Variants in OTX2 observed in about 807,000 individuals in gnomAD.
OTX2 encodes the protein homeobox protein OTX2.
Under a neutral mutation model 29.0 loss-of-function variants are expected in OTX2, and 4 were observed. That is an observed-to-expected ratio of 0.14 (90% CI 0.07 to 0.32). The LOEUF is 0.32. OTX2 is among the 10% of genes least tolerant of loss of function. OTX2 has a pLI of 1.00. For synonymous variants in OTX2, 134 were observed against 141.0 expected (o/e 0.95, Z 0.35); for missense variants, 298 against 365.9 (o/e 0.81, Z 1.51).
Position 56,801,663 on chromosome 14 carries a change from T to A in OTX2, c.*72A>T. On this transcript the variant is annotated 3_prime_UTR_variant, in exon 5 of 5. Coordinates refer to ENST00000672264, the MANE Select transcript of OTX2 (RefSeq NM_021728.4). The surrounding 1 kb of genome is among the most constrained non-coding windows in gnomAD (Gnocchi z 4.2). ...CATCCCATCTAACTCTTTTAACCAA[T>A]GCCTGGCTAAAACTGGAATGTCCAG... 6.6e-7 allele frequency: 1 copy of A among 1,515,278 alleles called. No individual in the cohort carries two copies. Among genetic ancestry groups the A allele is most frequent in the Non-Finnish European group, 9.2e-7 (1 of 1,092,684 alleles). The allele number at this position is 1,515,278 out of a possible 1,614,324, so 93.9% of individuals were successfully genotyped here. A position where few individuals can be genotyped will look rare whatever the true frequency, so the allele number is the denominator to read the frequency against.
At position 56,801,567 on chromosome 14, in the gene OTX2, G is replaced by C; in HGVS notation, c.*168C>G. On this transcript the variant is annotated 3_prime_UTR_variant, in exon 5 of 5. Transcript: ENST00000672264. This position sits in a 1 kb window ranked among gnomAD's most constrained non-coding sequence, Gnocchi z 4.2. ...TTTGTCCATTTCATGTTGCTGGTTTGTAGGCCCCTCTAAGGCCCTTCGTTT... is the reference window on the plus strand; with the variant it reads ...TTTGTCCATTTCATGTTGCTGGTTTCTAGGCCCCTCTAAGGCCCTTCGTTT... The C allele has an allele frequency of 2.9e-6, 2 of 683,456 alleles. No homozygotes were observed. The highest frequency in any genetic ancestry group is 5.1e-5 in the Admixed American group (2 of 39,238). 42.3% of individuals were successfully genotyped at this position (683,456 alleles called of 1,614,324 possible).
intron 1 of OTX2, 72 bp from the exon 2 acceptor site, chr14:56,810,294 C>A (rs1274519194): frequency 6.6e-6 from 1 of 151,954 alleles, no homozygotes; most frequent in African/African-American, 2.4e-5. Context: ...CAAACACAAC[C>A]AAAAAAAATT....
At chr14:56,805,729 C>T (rs1282540491) in intron 2 of OTX2, 154 bp from the exon 3 acceptor site, 2 of 409,336 alleles carry the variant, frequency 4.9e-6, no homozygotes, top group Non-Finnish European at 8.9e-6. Flanking sequence ...CCCCCATCCC[C>T]ACCCCCACCC....
At chr14:56,808,654 C>A (rs1047861332) in intron 2 of OTX2, among the ~76,000 whole-genome samples, 15 of 152,140 alleles carry the variant, frequency 9.9e-5, no homozygotes, top group African/African-American at 3.4e-4. Flanking sequence ...ACTTTTGGTG[C>A]CTGTAAAAAG....
intron 2 of OTX2, among the ~76,000 whole-genome samples, chr14:56,806,322 G>T (rs1425196223): frequency 6.6e-6 from 1 of 152,220 alleles, no homozygotes; most frequent in Admixed American, 6.5e-5. Flanking sequence ...GGGTTTTGGA[G>T]AATCTTGATT....
chr14:56,807,496 C>T (rs1892128563), intron 2 of OTX2, among the ~76,000 whole-genome samples: 1 of 152,032 alleles, frequency 6.6e-6, no homozygotes, highest in Admixed American at 6.5e-5. Flanking sequence ...ATTAGAAATG[C>T]CTGACACATC....
At chr14:56,807,702 TTCTC>T (rs1394408676) in intron 2 of OTX2, among the ~76,000 whole-genome samples, 1 of 152,204 alleles carries the variant, frequency 6.6e-6, no homozygotes, top group African/African-American at 2.4e-5. Flanking sequence ...AACTAAGAGA[TTCTC>T]TCCACAACCG....
chr14:56,804,052 T>C lies in OTX2; in HGVS notation c.273+136A>G, dbSNP rs1891988076. The C allele has an allele frequency of 1.9e-6, 2 of 1,051,468 alleles. No individual in the cohort carries two copies. Among genetic ancestry groups the C allele is most frequent in the Non-Finnish European group, 2.9e-6 (2 of 696,630 alleles). 65.1% of individuals were successfully genotyped at this position (1,051,468 alleles called of 1,614,324 possible). A position where few individuals can be genotyped will look rare whatever the true frequency, so the allele number is the denominator to read the frequency against. On this transcript the variant is annotated intron_variant, in intron 4 of 4. Coordinates refer to ENST00000672264, the MANE Select transcript of OTX2 (RefSeq NM_021728.4). The surrounding 1 kb of genome is among the most constrained non-coding windows in gnomAD (Gnocchi z 4.1). ...CAAAAAAGGGCAGAAGGAGAATAGT[T>C]TCCTGGCCCCTTAGTGAGTGAAGGA...
intron 1 of OTX2, 56 bp downstream of exon 1, chr14:56,810,320 A>C (rs1348904261): frequency 6.6e-6 from 1 of 152,214 alleles, no homozygotes; most frequent in Non-Finnish European, 1.5e-5. Flanking sequence ...TAAAGAACGA[A>C]AATGAGGAAG....
chr14:56,805,227 G>A, intron 3 of OTX2, 133 bp downstream of exon 3: 1 of 680,742 alleles, frequency 1.5e-6, no homozygotes, highest in Non-Finnish European at 2.7e-6. Context: ...GGCAAACCTA[G>A]AGGAGACCAA....
intron 2 of OTX2, among the ~76,000 whole-genome samples, chr14:56,808,667 C>T (rs1053327020): frequency 6.6e-6 from 1 of 152,154 alleles, no homozygotes; most frequent in African/African-American, 2.4e-5. Context: ...GTAAAAAGTC[C>T]CGAGCTGAGC....
In OTX2 at chr14:56,801,656, T is replaced by C; in HGVS notation, c.*79A>G. 1 of 1,508,306 alleles carries C rather than the reference T, an allele frequency of 6.6e-7. No individual in the cohort carries two copies. Among genetic ancestry groups the C allele is most frequent in the Non-Finnish European group, 9.2e-7 (1 of 1,086,798 alleles). 93.4% of individuals were successfully genotyped at this position (1,508,306 alleles called of 1,614,324 possible). ...TGAGCATCATCCCATCTAACTCTTT[T>C]AACCAATGCCTGGCTAAAACTGGAA... On this transcript the variant is annotated 3_prime_UTR_variant, in exon 5 of 5. Transcript: ENST00000672264. This position sits in a 1 kb window ranked among gnomAD's most constrained non-coding sequence, Gnocchi z 4.2.
At chr14:56,803,001 T>C (rs1462153021) in intron 4 of OTX2, among the ~76,000 whole-genome samples, 2 of 152,224 alleles carry the variant, frequency 1.3e-5, no homozygotes, top group Non-Finnish European at 2.9e-5. Context: ...CACTCTGCTT[T>C]GAGCTGGAGC....
At position 56,802,077 on chromosome 14, in the gene OTX2, G is replaced by A; in HGVS notation, c.552C>T (p.Pro184=). ...TSSSCMQRSY[P]MTYTQASGYS... is the part of the protein sequence containing the mutation. ...AACCTGAAGCCTGAGTATAGGTCAT[G>A]GGATAGGACCTCTGCATGCAGGAAG... is the stretch of plus-strand genomic sequence containing the variant. Residue 184 remains proline, a synonymous_variant, in exon 5 of 5, where the codon CCC becomes CCT. Transcript: ENST00000672264. The surrounding 1 kb of genome is among the most constrained non-coding windows in gnomAD (Gnocchi z 4.4). 3 of 1,614,158 alleles carry A rather than the reference G, an allele frequency of 1.9e-6. No individual in the cohort carries two copies. Among genetic ancestry groups the A allele is most frequent in the Non-Finnish European group, 2.5e-6 (3 of 1,180,028 alleles).
rs1566628232 is a variant in OTX2, at chr14:56,810,460, C to T, written c.-268G>A. ...GCTGTGTTGGAGCTGAGGCCGGTCC[C>T]GCTCTCAGGGAGATTTGCTGAGAAA... is the stretch of plus-strand genomic sequence containing the variant. On this transcript the variant is annotated 5_prime_UTR_variant, in exon 1 of 5. Coordinates refer to ENST00000672264, the MANE Select transcript of OTX2 (RefSeq NM_021728.4). The T allele has an allele frequency of 6.6e-6, 1 of 152,188 alleles. No homozygotes were observed. The highest frequency in any genetic ancestry group is 1.5e-5 in the Non-Finnish European group (1 of 68,056). The allele number at this position is 152,188 out of a possible 1,614,324, so 9.4% of individuals were successfully genotyped here.
At chr14:56,808,426 G>T (rs779353064) in intron 2 of OTX2, among the ~76,000 whole-genome samples, 4 of 152,186 alleles carry the variant, frequency 2.6e-5, no homozygotes, top group South Asian at 2.1e-4. Context: ...AACGGCCGGC[G>T]CTGGCCTCTC....
chr14:56,802,917 T>A lies in OTX2; in HGVS notation c.274-562A>T, dbSNP rs565842006. ...ACAAAGCTCCAAGGGGAAGACATGA[T>A]CTTGTTGAAGAAAGAGGTCTGAAAG... On this transcript the variant is annotated intron_variant, in intron 4 of 4. Coordinates refer to ENST00000672264, the MANE Select transcript of OTX2 (RefSeq NM_021728.4). The surrounding 1 kb of genome is among the most constrained non-coding windows in gnomAD (Gnocchi z 4.4). Among the ~76,000 whole-genome samples, 3 of 152,132 alleles carry A rather than the reference T, an allele frequency of 2.0e-5. No individual in the cohort carries two copies. The highest frequency in any genetic ancestry group is 4.4e-5 in the Non-Finnish European group (3 of 68,040).
Position 56,802,491 on chromosome 14 carries a change from A to T in OTX2, c.274-136T>A. 1.0e-6 allele frequency: 1 copy of T among 978,230 alleles called. No individual in the cohort carries two copies. The allele number at this position is 978,230 out of a possible 1,614,324, so 60.6% of individuals were successfully genotyped here. A position where few individuals can be genotyped will look rare whatever the true frequency, so the allele number is the denominator to read the frequency against. On this transcript the variant is annotated intron_variant, in intron 4 of 4. Coordinates refer to ENST00000672264, the MANE Select transcript of OTX2 (RefSeq NM_021728.4). The surrounding 1 kb of genome is among the most constrained non-coding windows in gnomAD (Gnocchi z 4.4). ...TTTCCCCTGCCACTGAAGACCTATT[A>T]TGTGGTACTCTCATATAAACTCCTG... is the stretch of plus-strand genomic sequence containing the variant.
Position 56,804,488 on chromosome 14 carries a change from C to T in OTX2, c.98-125G>A. On this transcript the variant is annotated intron_variant, in intron 3 of 4. Transcript: ENST00000672264. The surrounding 1 kb of genome is among the most constrained non-coding windows in gnomAD (Gnocchi z 4.1). ...CTTCAGCCGGGAGCCTACCAATGCT[C>T]TCCCCACCGTCTCCCCAGCCTTGCT... is the stretch of plus-strand genomic sequence containing the variant. 3 of 880,956 alleles carry T rather than the reference C, an allele frequency of 3.4e-6. No homozygotes were observed. Among genetic ancestry groups the T allele is most frequent in the Non-Finnish European group, 5.1e-6 (3 of 588,658 alleles). The allele number at this position is 880,956 out of a possible 1,614,324, so 54.6% of individuals were successfully genotyped here.
Sources: allele counts gnomAD v4.1 joint callset (sites outside exome capture counted in the v4.1 genomes callset), GRCh38; gene constraint gnomAD v4.1.1; non-coding constraint Gnocchi (gnomAD v3.1); transcripts MANE v1.5; gene names NCBI Gene and HGNC (gene_info 2026-07-23, HGNC 2026-07-21).